CXCL13: variants seen among roughly 807,000 people sequenced by gnomAD.
CXCL13 encodes C-X-C motif chemokine ligand 13, also known as C-X-C motif chemokine 13.
Under a neutral mutation model 12.2 loss-of-function variants are expected in CXCL13, and 7 were observed. The ratio of observed to expected loss-of-function variants is 0.57; its 90% CI spans 0.33 to 1.07. The LOEUF is 1.07. Ranked by LOEUF, CXCL13 falls within the 50% of genes least tolerant of loss-of-function variation. The pLI, the probability that CXCL13 is intolerant of heterozygous loss-of-function variation, is 0.04. For missense variants in CXCL13, 113 were observed against 127.4 expected (o/e 0.89, Z 0.55); for synonymous variants, 47 against 42.4 (o/e 1.11, Z -0.42).
chr4:77,582,835 G>A lies in CXCL13; in HGVS notation c.-42-22989G>A, dbSNP rs567052635. On this transcript the variant is annotated intron_variant, in intron 1 of 4. Coordinates refer to the CXCL13 transcript ENST00000286758. Reference sequence around the variant, plus strand: ...TGACAGAGGGTAGGTAAGAGTTGGTGGTTGTTACCAGATTCCAACATATGT... The same window carrying A: ...TGACAGAGGGTAGGTAAGAGTTGGTAGTTGTTACCAGATTCCAACATATGT... Among the ~76,000 whole-genome samples, 50 of 152,320 alleles carry A rather than the reference G, an allele frequency of 3.3e-4. No homozygotes were observed. The South Asian group carries it at 0.01, about 31-fold the overall frequency.
intron 1 of CXCL13, among the ~76,000 whole-genome samples, chr4:77,559,762 A>G (rs1725757906): frequency 1.3e-5 from 2 of 151,988 alleles, no homozygotes; most frequent in Admixed American, 1.3e-4. Flanking sequence ...CTCTACTAAA[A>G]ATACAAAAAA....
chr4:77,551,229 A>T (rs1476172121), intron 1 of CXCL13, among the ~76,000 whole-genome samples: 1 of 152,146 alleles, frequency 6.6e-6, no homozygotes, highest in Non-Finnish European at 1.5e-5. Flanking sequence ...TGGGCTATGT[A>T]CTTTAGTGTG....
intron 1 of CXCL13, among the ~76,000 whole-genome samples, chr4:77,565,665 T>G (rs1238214859): frequency 1.3e-5 from 2 of 152,208 alleles, no homozygotes; most frequent in African/African-American, 4.8e-5. Flanking sequence ...ATCTATCAAG[T>G]GTAAAACAGG....
intron 1 of CXCL13, among the ~76,000 whole-genome samples, chr4:77,516,841 T>A (rs1192420023): frequency 6.6e-6 from 1 of 152,216 alleles, no homozygotes; most frequent in Non-Finnish European, 1.5e-5. Context: ...ATTTCTTACC[T>A]TCTGCTAGCT....
chr4:77,596,144 C>G (rs371805965), intron 1 of CXCL13, among the ~76,000 whole-genome samples: 7 of 152,288 alleles, frequency 4.6e-5, no homozygotes, highest in African/African-American at 1.4e-4. Flanking sequence ...GGAATTTTTC[C>G]TGTTGTCCCG....
intron 1 of CXCL13, among the ~76,000 whole-genome samples, chr4:77,562,624 A>G (rs1370395117): frequency 7.0e-6 from 1 of 142,640 alleles, no homozygotes; most frequent in East Asian, 1.9e-4. Flanking sequence ...AAACACACCA[A>G]TCAGCACTCT....
chr4:77,570,252 C>T lies in CXCL13; in HGVS notation c.-42-35572C>T, dbSNP rs888494133. Reference sequence around the variant, plus strand: ...ATGCCAAAAGCAATTGCAACAAAAGCAAAAATTGACAAGTGGGATCTAACT... The same window carrying T: ...ATGCCAAAAGCAATTGCAACAAAAGTAAAAATTGACAAGTGGGATCTAACT... On this transcript the variant is annotated intron_variant, in intron 1 of 4. Transcript: ENST00000286758. Among the ~76,000 whole-genome samples the T allele has an allele frequency of 2.4e-4, 36 of 152,250 alleles. 1 individual carries two copies. The highest frequency in any genetic ancestry group is 1.8e-3 in the Admixed American group (28 of 15,296).
At chr4:77,581,616 A>T (rs1287646973) in intron 1 of CXCL13, among the ~76,000 whole-genome samples, 1 of 152,084 alleles carries the variant, frequency 6.6e-6, no homozygotes, top group African/African-American at 2.4e-5. Flanking sequence ...TCCAAACTAG[A>T]TCCTTTTTAA....
chr4:77,547,009 T>C (rs928784944), intron 1 of CXCL13, among the ~76,000 whole-genome samples: 8 of 152,228 alleles, frequency 5.3e-5, no homozygotes, highest in African/African-American at 1.9e-4. Flanking sequence ...CCAGTAGTCA[T>C]TCAGGAGCAG....
intron 1 of CXCL13, among the ~76,000 whole-genome samples, chr4:77,550,949 A>G (rs1433454007): frequency 6.6e-6 from 1 of 152,144 alleles, no homozygotes; most frequent in East Asian, 1.9e-4. Context: ...GAATAGTAAC[A>G]CTTGCCCTTT....
At chr4:77,544,539 G>A (rs892514933) in intron 1 of CXCL13, among the ~76,000 whole-genome samples, 1 of 152,174 alleles carries the variant, frequency 6.6e-6, no homozygotes, top group African/African-American at 2.4e-5. Context: ...CTGCATAAAT[G>A]TGTTCTTCTG....
intron 1 of CXCL13, among the ~76,000 whole-genome samples, chr4:77,554,751 G>C (rs1425039532): frequency 6.6e-6 from 1 of 151,974 alleles, no homozygotes. Context: ...TGTGTCCTCT[G>C]ACTACAAAAG....
chr4:77,597,226 T>A lies in CXCL13; in HGVS notation c.-42-8598T>A, dbSNP rs566498122. The stretch of plus-strand genomic sequence containing the variant: ...ATTTTTAATTGATTCAGAGGGAATA[T>A]TTTACTGATTATTAGATTGAAGCTC... On this transcript the variant is annotated intron_variant, in intron 1 of 4. Coordinates refer to the CXCL13 transcript ENST00000286758. Among the ~76,000 whole-genome samples the A allele has an allele frequency of 3.3e-5, 5 of 152,298 alleles. No homozygotes were observed. The East Asian group carries it at 9.6e-4, about 29-fold the overall frequency.
At chr4:77,608,180 C>T (rs1293292315) in intron 2 of CXCL13, among the ~76,000 whole-genome samples, 6 of 152,150 alleles carry the variant, frequency 3.9e-5, no homozygotes, top group African/African-American at 1.4e-4. Context: ...GTGGCTCACG[C>T]CTGTAATCCC....
chr4:77,566,483 C>A (rs574875501), intron 1 of CXCL13, among the ~76,000 whole-genome samples: 1 of 152,044 alleles, frequency 6.6e-6, no homozygotes, highest in African/African-American at 2.4e-5. Context: ...TTGGACCATA[C>A]ATTTTTTTCT....
chr4:77,596,819 AAAAG>A, intron 1 of CXCL13, among the ~76,000 whole-genome samples: 1 of 151,826 alleles, frequency 6.6e-6, no homozygotes, highest in South Asian at 2.1e-4. Flanking sequence ...GAAAAAGAAG[AAAAG>A]AAAGAAGTCA....
chr4:77,541,746 T>G (rs1725211150), intron 1 of CXCL13, among the ~76,000 whole-genome samples: 1 of 152,202 alleles, frequency 6.6e-6, no homozygotes, highest in Non-Finnish European at 1.5e-5. Flanking sequence ...TTTCTAGTTC[T>G]GTGAAAAATT....
At chr4:77,562,618 A>G (rs532204448) in intron 1 of CXCL13, among the ~76,000 whole-genome samples, 2 of 139,490 alleles carry the variant, frequency 1.4e-5, no homozygotes, top group African/African-American at 6.7e-5. Flanking sequence ...GTTTGTAAAC[A>G]CACCAATCAG....
chr4:77,562,198 G>T (rs868164273), intron 1 of CXCL13, among the ~76,000 whole-genome samples: 1 of 15,948 alleles, frequency 6.3e-5, no homozygotes, highest in East Asian at 2.6e-3. Context: ...GCAGCCCCCC[G>T]CCCCGCCTAC....
Sources: allele counts gnomAD v4.1 joint callset (sites outside exome capture counted in the v4.1 genomes callset), GRCh38; gene constraint gnomAD v4.1.1; transcripts MANE v1.5; gene names NCBI Gene and HGNC (gene_info 2026-07-23, HGNC 2026-07-21).